Variants in PRDM16 observed in about 807,000 individuals in gnomAD.
The protein encoded by PRDM16 is PR/SET domain 16.
In PRDM16, 23 loss-of-function variants were observed where a neutral mutation model predicts 110.6. The ratio of observed to expected loss-of-function variants is 0.21; its 90% CI spans 0.15 to 0.29. The LOEUF is 0.29. PRDM16 is among the 10% of genes least tolerant of loss of function. PRDM16 has a pLI of 1.00. For missense variants in PRDM16, 1,615 were observed against 1,794.3 expected (o/e 0.90, Z 1.81); for synonymous variants, 799 against 781.8 (o/e 1.02, Z -0.37).
intron 3 of PRDM16, among the ~76,000 whole-genome samples, chr1:3,272,416 C>T (rs926573792): frequency 2.6e-5 from 4 of 152,172 alleles, no homozygotes; most frequent in East Asian, 3.9e-4. Context: ...ATCCATACCC[C>T]GGCCCACAGG....
intron 3 of PRDM16, among the ~76,000 whole-genome samples, chr1:3,268,417 T>G (rs1640349968): frequency 2.0e-5 from 3 of 152,202 alleles, no homozygotes; most frequent in Non-Finnish European, 4.4e-5. Flanking sequence ...ACGTGTGCAC[T>G]TCGCAAAGCC....
At position 3,069,267 on chromosome 1, in the gene PRDM16, C is replaced by T. The variant is rs771162763; in HGVS notation, c.8C>T (p.Ser3Phe). MR[S>F]KARARKLAKS... ...ATTCCGCGAGCCGACACCATGCGAT[C>T]CAAGGCGAGGGCGAGGAAGCTAGCC... The change falls in exon 1 of 17, where the codon TCC (serine) becomes TTC (phenylalanine). Residue 3 changes from serine (S) to phenylalanine (F), a missense_variant. By Grantham distance (155) the Ser-to-Phe change is radical. Coordinates refer to ENST00000270722, the MANE Select transcript of PRDM16 (RefSeq NM_022114.4). This position sits in a 1 kb window ranked among gnomAD's most constrained non-coding sequence, Gnocchi z 6.1. 8 of 1,569,628 alleles carry T rather than the reference C, an allele frequency of 5.1e-6. No homozygotes were observed. The highest frequency in any genetic ancestry group is 1.8e-5 in the Admixed American group (1 of 55,112).
chr1:3,268,130 T>C (rs1640339863), intron 3 of PRDM16, among the ~76,000 whole-genome samples: 1 of 152,098 alleles, frequency 6.6e-6, no homozygotes, highest in African/African-American at 2.4e-5. Context: ...GGTGAGCAGG[T>C]CCTAGACTTC....
At chr1:3,395,787 A>G (rs1643376670) in intron 4 of PRDM16, among the ~76,000 whole-genome samples, 1 of 152,156 alleles carries the variant, frequency 6.6e-6, no homozygotes, top group African/African-American at 2.4e-5. Flanking sequence ...ACAGCCCCCA[A>G]CAGCACTGCT....
intron 2 of PRDM16, among the ~76,000 whole-genome samples, chr1:3,233,411 G>A (rs75322845): frequency 0.025 from 3,844 of 152,318 alleles, 232 homozygotes; most frequent in South Asian, 0.19. Flanking sequence ...AAGGCACAGC[G>A]CACCCGCCGG....
chr1:3,265,453 G>A lies in PRDM16; in HGVS notation c.438+21316G>A, dbSNP rs538752443. Among the ~76,000 whole-genome samples, 2 of 152,106 alleles carry A rather than the reference G, an allele frequency of 1.3e-5. No homozygotes were observed. The highest frequency in any genetic ancestry group is 4.8e-5 in the African/African-American group (2 of 41,488). On this transcript the variant is annotated intron_variant, in intron 3 of 16. Coordinates refer to ENST00000270722, the MANE Select transcript of PRDM16 (RefSeq NM_022114.4). The surrounding 1 kb of genome is among the most constrained non-coding windows in gnomAD (Gnocchi z 4.5). The stretch of plus-strand genomic sequence containing the variant: ...CCTGTCCCAGTAGGGGGTTGGGGAG[G>A]GACTTGGAGGCTTCCCGGTGGGAAG...
At chr1:3,401,412 G>C (rs931839739) in intron 5 of PRDM16, among the ~76,000 whole-genome samples, 1 of 152,122 alleles carries the variant, frequency 6.6e-6, no homozygotes, top group African/African-American at 2.4e-5. Flanking sequence ...GTCAGTCCTC[G>C]TGCACGTGCA....
Position 3,433,885 on chromosome 1 carries a change from G to A in PRDM16, c.*74G>A, listed in dbSNP as rs376779031. The A allele has an allele frequency of 1.1e-5, 17 of 1,518,198 alleles. No homozygotes were observed. The highest frequency in any genetic ancestry group is 1.7e-4 in the Middle Eastern group (1 of 5,748). The allele number at this position is 1,518,198 out of a possible 1,614,324, so 94.0% of individuals were successfully genotyped here. On this transcript the variant is annotated 3_prime_UTR_variant, in exon 17 of 17. Coordinates refer to ENST00000270722, the MANE Select transcript of PRDM16 (RefSeq NM_022114.4). ...GAAGGACGGAGGCGGGCGGGGCCCC[G>A]GAGAACCCTGTCCCTGCGTGTGGCC... is the stretch of plus-strand genomic sequence containing the variant.
rs1553145781 is a variant in PRDM16 at position 3,201,289 on chromosome 1, A to AT, written c.387+14816dup. On this transcript the variant is annotated intron_variant, in intron 2 of 16. Coordinates refer to ENST00000270722, the MANE Select transcript of PRDM16 (RefSeq NM_022114.4). The surrounding 1 kb of genome is among the most constrained non-coding windows in gnomAD (Gnocchi z 4.1). ...TCTTGCCTCTAAAATTCGCTTTGTC[A>AT]TGGGATTTAAAATTACTTCAATTGC... is the stretch of plus-strand genomic sequence containing the variant. Among the ~76,000 whole-genome samples, 37,417 of 109,990 alleles carry AT rather than the reference A, an allele frequency of 0.34. 4,720 individuals carry two copies. Among genetic ancestry groups the AT allele is most frequent in the Middle Eastern group, 0.55 (132 of 240 alleles). The allele number at this position is 109,990 out of a possible 152,430, so 72.2% of individuals were successfully genotyped here.
intron 5 of PRDM16, among the ~76,000 whole-genome samples, chr1:3,402,053 G>A (rs1419683568): frequency 2.6e-5 from 4 of 152,232 alleles, no homozygotes; most frequent in African/African-American, 4.8e-5. Context: ...TCACACTTAC[G>A]TGTGCATACA....
In PRDM16 at chr1:3,201,170, A is replaced by T. The variant is rs1239433076; in HGVS notation, c.387+14696A>T. Among the ~76,000 whole-genome samples the T allele has an allele frequency of 3.3e-5, 5 of 152,268 alleles. No homozygotes were observed. In the East Asian group the frequency reaches 9.7e-4, roughly 29 times the overall value. ...CTGCCTTCTTTTGAGGAGGACAGGG[A>T]TGGAAAAAGGGGTCTGGGCTGCATT... On this transcript the variant is annotated intron_variant, in intron 2 of 16. Coordinates refer to ENST00000270722, the MANE Select transcript of PRDM16 (RefSeq NM_022114.4). The surrounding 1 kb of genome is among the most constrained non-coding windows in gnomAD (Gnocchi z 4.1).
chr1:3,266,783 C>A (rs190393925), intron 3 of PRDM16, among the ~76,000 whole-genome samples: 2 of 152,328 alleles, frequency 1.3e-5, no homozygotes, highest in East Asian at 3.9e-4. Flanking sequence ...TCAAACAATT[C>A]TCTTGCCTCA....
chr1:3,135,838 C>A (rs543597654), intron 1 of PRDM16, among the ~76,000 whole-genome samples: 3 of 152,226 alleles, frequency 2.0e-5, no homozygotes, highest in African/African-American at 7.2e-5. Context: ...CTCCCTGGGC[C>A]GGGTCTCCCT....
intron 1 of PRDM16, among the ~76,000 whole-genome samples, chr1:3,180,982 G>A (rs1053073253): frequency 3.5e-5 from 5 of 142,104 alleles, no homozygotes; most frequent in Non-Finnish European, 6.2e-5. Flanking sequence ...TCTTACACAC[G>A]CAGTCTTACA....
chr1:3,388,395 C>T (rs574869078), intron 4 of PRDM16, among the ~76,000 whole-genome samples: 32 of 152,172 alleles, frequency 2.1e-4, no homozygotes, highest in Non-Finnish European at 4.1e-4. Flanking sequence ...TCTGAACATC[C>T]GAGCTCCGTA....
At chr1:3,325,373 C>A (rs145633654) in intron 3 of PRDM16, among the ~76,000 whole-genome samples, 1 of 152,202 alleles carries the variant, frequency 6.6e-6, no homozygotes, top group East Asian at 1.9e-4. Context: ...GGGAGATGAA[C>A]GCAGGGGATG....
At chr1:3,182,214 T>C (rs1026892648) in intron 1 of PRDM16, among the ~76,000 whole-genome samples, 1 of 152,220 alleles carries the variant, frequency 6.6e-6, no homozygotes, top group African/African-American at 2.4e-5. Flanking sequence ...AAAACCCCCT[T>C]GTACTCCCTC....
At chr1:3,101,736 T>A in intron 1 of PRDM16, among the ~76,000 whole-genome samples, 1 of 152,192 alleles carries the variant, frequency 6.6e-6, no homozygotes, top group East Asian at 1.9e-4. Context: ...ATGGCATATG[T>A]CCTCAGGGCA....
chr1:3,158,446 T>C (rs987346218), intron 1 of PRDM16, among the ~76,000 whole-genome samples: 1 of 152,218 alleles, frequency 6.6e-6, no homozygotes, highest in African/African-American at 2.4e-5. Context: ...AAAAATCTAA[T>C]TAAAACATTT....
Sources: allele counts gnomAD v4.1 joint callset (sites outside exome capture counted in the v4.1 genomes callset), GRCh38; gene constraint gnomAD v4.1.1; non-coding constraint Gnocchi (gnomAD v3.1); transcripts MANE v1.5; gene names NCBI Gene and HGNC (gene_info 2026-07-23, HGNC 2026-07-21).